Variants in LRP1B observed in about 807,000 individuals in gnomAD.
LRP1B encodes the protein LDL receptor related protein 1B.
In LRP1B, 217 loss-of-function variants were observed where a neutral mutation model predicts 556.6. The observed-to-expected ratio is 0.39, with a 90% CI of 0.35 to 0.44. LRP1B has a LOEUF of 0.44. Ranked by LOEUF, LRP1B falls within the 20% of genes least tolerant of loss-of-function variation. LRP1B has a pLI of 1.00. For synonymous variants in LRP1B, 2,047 were observed against 1,865.8 expected, an observed-to-expected ratio of 1.10 and a Z score of -2.50; for missense variants, 5,053 against 5,620.8, an observed-to-expected ratio of 0.90 and a Z score of 3.23.
intron 1 of LRP1B, among the ~76,000 whole-genome samples, chr2:142,089,697 C>T (rs1314651575): frequency 6.6e-6 from 1 of 152,048 alleles, no homozygotes; most frequent in African/African-American, 2.4e-5. Flanking sequence ...AGTTGTCACT[C>T]TTTAGAAAGT....
intron 11 of LRP1B, among the ~76,000 whole-genome samples, chr2:141,041,823 A>ATG (rs1424978310): frequency 4.5e-5 from 1 of 22,228 alleles, no homozygotes; most frequent in Non-Finnish European, 1.3e-4. Context: ...TATATCATGT[A>ATG]TGTATGTACA....
chr2:141,424,663 T>C (rs1680283541), intron 3 of LRP1B, among the ~76,000 whole-genome samples: 1 of 152,236 alleles, frequency 6.6e-6, no homozygotes, highest in Non-Finnish European at 1.5e-5. Context: ...TTCATTTCTT[T>C]AATTCTAGCA....
chr2:140,532,165 C>T (rs1690723742), intron 47 of LRP1B, among the ~76,000 whole-genome samples: 1 of 152,072 alleles, frequency 6.6e-6, no homozygotes, highest in African/African-American at 2.4e-5. Context: ...ATTGTCTTAT[C>T]CCCATTCCCA....
At chr2:141,028,258 ATACT>A (rs1229405903) in intron 11 of LRP1B, among the ~76,000 whole-genome samples, 2 of 151,188 alleles carry the variant, frequency 1.3e-5, no homozygotes, top group Admixed American at 6.6e-5. Flanking sequence ...AGATAAATAA[ATACT>A]TATGATTCCA....
chr2:141,300,859 T>C (rs1686365190), intron 3 of LRP1B, among the ~76,000 whole-genome samples: 5 of 152,156 alleles, frequency 3.3e-5, no homozygotes, highest in Admixed American at 3.3e-4. Flanking sequence ...AGATGTTTCT[T>C]TATAGCAGTG....
chr2:140,771,040 A>G (rs2104939675), intron 33 of LRP1B, 34 bp from the exon 34 acceptor site: 1 of 1,516,882 alleles, frequency 6.6e-7, no homozygotes, highest in Non-Finnish European at 8.8e-7. Flanking sequence ...AATTTCTTTA[A>G]TGAAATTTTT....
intron 7 of LRP1B, among the ~76,000 whole-genome samples, chr2:141,075,044 G>A (rs186595589): frequency 4.2e-4 from 64 of 152,142 alleles, no homozygotes; most frequent in East Asian, 9.7e-4. Flanking sequence ...GATGTATTCC[G>A]AAAAGGGTTA....
intron 43 of LRP1B, among the ~76,000 whole-genome samples, chr2:140,555,983 A>G (rs1397805857): frequency 6.6e-6 from 1 of 152,050 alleles, no homozygotes; most frequent in Non-Finnish European, 1.5e-5. Context: ...TTCACATACA[A>G]TATTAAAACT....
intron 7 of LRP1B, among the ~76,000 whole-genome samples, chr2:141,153,324 A>C (rs1701974387): frequency 8.8e-6 from 1 of 113,068 alleles, no homozygotes; most frequent in Non-Finnish European, 1.7e-5. Flanking sequence ...TTAGCTATAT[A>C]TATTTATATA....
intron 11 of LRP1B, among the ~76,000 whole-genome samples, chr2:141,020,909 A>C (rs1051560577): frequency 3.9e-5 from 6 of 151,976 alleles, no homozygotes; most frequent in Non-Finnish European, 4.4e-5. Flanking sequence ...CTTATGACCC[A>C]CAGTGTGGAA....
At chr2:140,712,799 T>C (rs1687080069) in intron 37 of LRP1B, among the ~76,000 whole-genome samples, 2 of 152,138 alleles carry the variant, frequency 1.3e-5, no homozygotes, top group Admixed American at 6.6e-5. Context: ...TCATCACCAG[T>C]TACATGTTCT....
chr2:141,522,299 C>A (rs544129364), intron 2 of LRP1B, among the ~76,000 whole-genome samples: 1 of 152,224 alleles, frequency 6.6e-6, no homozygotes, highest in East Asian at 1.9e-4. Flanking sequence ...AGACTAGATT[C>A]TTCTTTTCCA....
intron 1 of LRP1B, among the ~76,000 whole-genome samples, chr2:142,000,868 G>A (rs1702631458): frequency 6.6e-6 from 1 of 152,068 alleles, no homozygotes; most frequent in Non-Finnish European, 1.5e-5. Flanking sequence ...ATTTTGTTTA[G>A]CTCCTGATAT....
At chr2:140,730,328 T>C (rs288097) in intron 35 of LRP1B, among the ~76,000 whole-genome samples, 28,090 of 152,132 alleles carry the variant, frequency 0.18, 2,749 homozygotes, top group East Asian at 0.29. Context: ...GAGCCTTTGA[T>C]GAAGTCCAGG....
chr2:140,336,799 T>C (rs1460119252), intron 77 of LRP1B, among the ~76,000 whole-genome samples: 1 of 151,926 alleles, frequency 6.6e-6, no homozygotes, highest in Non-Finnish European at 1.5e-5. Flanking sequence ...TTATTTTCTG[T>C]GCCCTTCAAT....
In LRP1B at chr2:140,560,956, T is replaced by C. The variant is rs192327535; in HGVS notation, c.7195-18985A>G. On this transcript the variant is annotated intron_variant, in intron 43 of 90. Coordinates refer to ENST00000389484, the MANE Select transcript of LRP1B (RefSeq NM_018557.3). ...ACAAAAAGAAAGATAAATGGGGATTTAGTGGAATGTACTGGTGCTCAGAAA... is the reference window on the plus strand; with the variant it reads ...ACAAAAAGAAAGATAAATGGGGATTCAGTGGAATGTACTGGTGCTCAGAAA... Among the ~76,000 whole-genome samples, 434 of 152,290 alleles carry C rather than the reference T, an allele frequency of 2.8e-3. 3 individuals carry two copies. The highest frequency in any genetic ancestry group is 5.3e-3 in the Admixed American group (81 of 15,284).
At position 141,013,630 on chromosome 2, in the gene LRP1B, C is replaced by T. The variant is rs370365884; in HGVS notation, c.2306G>A (p.Ser769Asn). ...TTCATGCCTCAGCAATGTCACCTCA[C>T]TTGTTATCAAATCTAGTTGAAAAAT... ...GSIFQLDLIT[S>N]EVTLLRHERP... The change falls in exon 14 of 91, where the codon AGT (serine) becomes AAT (asparagine). Residue 769 changes from serine (S) to asparagine (N), a missense_variant. Ser to Asn is a conservative substitution (Grantham distance 46). This residue lies in a region of LRP1B where 3,619 missense variants were observed against 3,931.9 expected (regional missense o/e 0.92). Coordinates refer to ENST00000389484, the MANE Select transcript of LRP1B (RefSeq NM_018557.3). 6.2e-7 allele frequency: 1 copy of T among 1,612,562 alleles called. No individual in the cohort carries two copies. The highest frequency in any genetic ancestry group is 8.5e-7 in the Non-Finnish European group (1 of 1,179,120).
At chr2:141,567,650 ACT>A (rs1163945750) in intron 2 of LRP1B, among the ~76,000 whole-genome samples, 1 of 151,834 alleles carries the variant, frequency 6.6e-6, no homozygotes, top group Non-Finnish European at 1.5e-5. Context: ...GTTAAAAGAG[ACT>A]CTCTAAGTGT....
chr2:141,777,545 A>T (rs973577249), intron 2 of LRP1B, among the ~76,000 whole-genome samples: 3 of 152,008 alleles, frequency 2.0e-5, no homozygotes, highest in Non-Finnish European at 4.4e-5. Context: ...CCTCCCAAGT[A>T]GATGGGATTA....
Sources: allele counts gnomAD v4.1 joint callset (sites outside exome capture counted in the v4.1 genomes callset), GRCh38; gene constraint gnomAD v4.1.1; regional missense constraint gnomAD v4.1.1; transcripts MANE v1.5; gene names NCBI Gene and HGNC (gene_info 2026-07-23, HGNC 2026-07-21).